Variants in ITPRID1 observed in about 807,000 individuals in gnomAD.
The protein encoded by ITPRID1 is protein ITPRID1.
Under a neutral mutation model 95.4 loss-of-function variants are expected in ITPRID1, and 96 were observed. That is an observed-to-expected ratio of 1.01 (90% CI 0.85 to 1.19). The LOEUF is 1.19. Among genes scored for constraint, ITPRID1 ranks in the 50% most tolerant of loss-of-function variants. The pLI is 0.00. For missense variants in ITPRID1, 1,339 were observed against 1,252.9 expected (o/e 1.07, Z -1.04); for synonymous variants, 510 against 453.6 (o/e 1.12, Z -1.58).
At chr7:31,557,671 A>G (rs532309971) in intron 5 of ITPRID1, among the ~76,000 whole-genome samples, 4 of 152,282 alleles carry the variant, frequency 2.6e-5, no homozygotes, top group African/African-American at 9.6e-5. Context: ...TGCACATGCT[A>G]GATACTATAC....
chr7:31,616,199 AC>A (rs764310113), intron 10 of ITPRID1, among the ~76,000 whole-genome samples: 28 of 133,634 alleles, frequency 2.1e-4, no homozygotes, highest in Non-Finnish European at 4.2e-4. Flanking sequence ...TATATTAATA[AC>A]ATCTTAAATT....
chr7:31,641,253 T>G (rs1261504378), intron 10 of ITPRID1, among the ~76,000 whole-genome samples: 1 of 152,164 alleles, frequency 6.6e-6, no homozygotes, highest in Non-Finnish European at 1.5e-5. Context: ...AATCCCCTAT[T>G]TATCACTTAG....
At chr7:31,658,235 T>G, downstream of ITPRID1, 1 of 1,467,090 alleles carries the variant, frequency 6.8e-7, no homozygotes, top group Non-Finnish European at 9.0e-7. Flanking sequence ...AAATGTTGCA[T>G]TAGGTTTTGT....
At chr7:31,515,058 A>G (rs539441971) in intron 1 of ITPRID1, among the ~76,000 whole-genome samples, 2 of 152,166 alleles carry the variant, frequency 1.3e-5, no homozygotes, top group African/African-American at 2.4e-5. Context: ...GTAATTATCT[A>G]TTCTTATTGG....
At position 31,643,903 on chromosome 7, in the gene ITPRID1, A is replaced by G; in HGVS notation, c.2533A>G (p.Met845Val). 1 of 1,613,888 alleles carries G rather than the reference A, an allele frequency of 6.2e-7. No individual in the cohort carries two copies. Among genetic ancestry groups the G allele is most frequent in the African/African-American group, 1.3e-5 (1 of 75,070 alleles). Residue 845 changes from methionine to valine, a missense_variant, in exon 12 of 15, where the codon ATG becomes GTG. Physicochemically the swap from Met to Val is conservative, Grantham distance 21. Coordinates refer to ENST00000615280, the MANE Select transcript of ITPRID1 (RefSeq NM_001257967.3). ...AACTGGTCACCAGGAAGCCCAGTTC[A>G]TGACGACTTTGAAAGCCCTTCAGGA... ...SLTGHQEAQF[M>V]TTLKALQDTT...
chr7:31,528,804 G>T (rs922630509), intron 1 of ITPRID1, among the ~76,000 whole-genome samples: 2 of 152,092 alleles, frequency 1.3e-5, no homozygotes, highest in African/African-American at 4.8e-5. Flanking sequence ...CTCATATTGG[G>T]GTTCCTCTGT....
chr7:31,599,082 C>A (rs1469410995), intron 10 of ITPRID1, among the ~76,000 whole-genome samples: 1 of 152,102 alleles, frequency 6.6e-6, no homozygotes, highest in East Asian at 1.9e-4. Context: ...AAGAAATCTT[C>A]ACATATATGC....
At chr7:31,627,443 C>T (rs536019238) in intron 10 of ITPRID1, among the ~76,000 whole-genome samples, 12 of 151,938 alleles carry the variant, frequency 7.9e-5, no homozygotes, top group East Asian at 1.9e-4. Flanking sequence ...GGATCACTGA[C>T]GCCCAGGAGT....
At chr7:31,520,087 A>G (rs1199871605) in intron 1 of ITPRID1, among the ~76,000 whole-genome samples, 1 of 152,068 alleles carries the variant, frequency 6.6e-6, no homozygotes, top group Non-Finnish European at 1.5e-5. Flanking sequence ...TTAAATTTTC[A>G]AAGAATACTG....
rs1791211394 is a variant in ITPRID1, at chr7:31,654,717, G to C, written c.*1888G>C. On this transcript the variant is annotated 3_prime_UTR_variant, in exon 15 of 15. Transcript: ENST00000615280. Reference sequence around the variant, plus strand: ...CTCTAAGGAATGGGGAATAGATGCAGAATGGAATAGGAAAAACTGCTTGGA... The same window carrying C: ...CTCTAAGGAATGGGGAATAGATGCACAATGGAATAGGAAAAACTGCTTGGA... 1.3e-5 allele frequency among the ~76,000 whole-genome samples: 2 copies of C among 152,180 alleles called. No homozygotes were observed. Among genetic ancestry groups the C allele is most frequent in the Non-Finnish European group, 2.9e-5 (2 of 68,026 alleles).
intron 10 of ITPRID1, among the ~76,000 whole-genome samples, chr7:31,594,828 G>T (rs1786012970): frequency 6.6e-6 from 1 of 151,700 alleles, no homozygotes; most frequent in Non-Finnish European, 1.5e-5. Flanking sequence ...CTGCACTCCA[G>T]CCTGTGCAAC....
At position 31,553,054 on chromosome 7, in the gene ITPRID1, C is replaced by A; in HGVS notation, c.30C>A (p.Asp10Glu). The A allele has an allele frequency of 6.2e-7, 1 of 1,609,844 alleles. No individual in the cohort carries two copies. The highest frequency in any genetic ancestry group is 1.1e-5 in the South Asian group (1 of 90,052). ...TGGCACAGAAATCACAAGGATCTGA[C>A]AACCTTCAGGAAGGCCAGGAAAAGA... MMAQKSQGS[D>E]NLQEGQEKSK... Residue 10 changes from aspartate to glutamate, a missense_variant, in exon 3 of 15, where the codon GAC becomes GAA. Physicochemically the swap from Asp to Glu is conservative, Grantham distance 45. Transcript: ENST00000615280.
At chr7:31,619,837 G>T (rs1185218638) in intron 10 of ITPRID1, among the ~76,000 whole-genome samples, 3 of 152,302 alleles carry the variant, frequency 2.0e-5, no homozygotes, top group African/African-American at 7.2e-5. Context: ...AGGGGTCAGG[G>T]AGTTCCCTTT....
intron 1 of ITPRID1, chr7:31,529,855 T>C: frequency 6.6e-7 from 1 of 1,506,116 alleles, no homozygotes; most frequent in Non-Finnish European, 8.9e-7. Context: ...GTTTTTTTTC[T>C]TTTAATCCAG....
At chr7:31,529,294 T>C (rs538582026) in intron 1 of ITPRID1, among the ~76,000 whole-genome samples, 2 of 152,318 alleles carry the variant, frequency 1.3e-5, no homozygotes, top group South Asian at 4.1e-4. Context: ...ATTGGGTTGG[T>C]AACACACAGT....
intron 12 of ITPRID1, among the ~76,000 whole-genome samples, chr7:31,645,613 C>A (rs1180234448): frequency 6.6e-6 from 1 of 152,134 alleles, no homozygotes; most frequent in Non-Finnish European, 1.5e-5. Flanking sequence ...CCACCCACCA[C>A]CACCATCATC....
Position 31,655,744 on chromosome 7 carries a change from T to G in ITPRID1, c.*2915T>G. 1 of 985,754 alleles carries G rather than the reference T, an allele frequency of 1.0e-6. No individual in the cohort carries two copies. Among genetic ancestry groups the G allele is most frequent in the Middle Eastern group, 5.2e-4 (1 of 1,916 alleles). The allele number at this position is 985,754 out of a possible 1,614,324, so 61.1% of individuals were successfully genotyped here. ...ATTGCATTTGTGCCTCCAAATCGTT[T>G]CCCTTGCTAAACTCCTAAGCTTTTT... is the stretch of plus-strand genomic sequence containing the variant. On this transcript the variant is annotated 3_prime_UTR_variant, in exon 15 of 15. Transcript: ENST00000615280.
chr7:31,638,771 T>C (rs1789723306), intron 10 of ITPRID1, among the ~76,000 whole-genome samples: 1 of 152,162 alleles, frequency 6.6e-6, no homozygotes. Context: ...TTCTTTCTTT[T>C]GTTTTTCGTT....
chr7:31,580,158 T>C (rs1785343703), intron 9 of ITPRID1, among the ~76,000 whole-genome samples: 1 of 151,524 alleles, frequency 6.6e-6, no homozygotes. Flanking sequence ...ACTAGCTCGG[T>C]GTGGTGGAGG....
Sources: gnomAD v4.1 joint callset for allele counts (sites outside exome capture counted in the v4.1 genomes callset) on GRCh38, gnomAD v4.1.1 for gene constraint, MANE v1.5 for transcripts, NCBI Gene and HGNC (gene_info 2026-07-23, HGNC 2026-07-21) for gene names.